Variants in AGAP1 observed in about 807,000 individuals in gnomAD.
AGAP1 encodes the protein ArfGAP with GTPase domain, ankyrin repeat and PH domain 1.
AGAP1 carries 29 observed loss-of-function variants against 105.3 expected under a neutral mutation model. The ratio of observed to expected loss-of-function variants is 0.28; its 90% confidence interval spans 0.21 to 0.38. The LOEUF (loss-of-function observed/expected upper bound fraction) is 0.38, where lower values mean the gene tolerates loss of function less well. AGAP1 is among the 10% of genes least tolerant of loss of function. The pLI, the probability that AGAP1 is intolerant of heterozygous loss-of-function variation, is 1.00. For synonymous variants in AGAP1, 509 were observed against 485.9 expected (o/e 1.05, Z -0.63); for missense variants, 998 against 1,165.1 (o/e 0.86, Z 2.09).
At chr2:235,514,724 G>T (rs765577283) in intron 1 of AGAP1, among the ~76,000 whole-genome samples, 2 of 152,234 alleles carry the variant, frequency 1.3e-5, no homozygotes, top group Non-Finnish European at 2.9e-5. Flanking sequence ...TGGGCTGCAC[G>T]TCTCTCCCCA....
intron 1 of AGAP1, among the ~76,000 whole-genome samples, chr2:235,681,010 C>G (rs370963814): frequency 1.3e-5 from 2 of 152,044 alleles, no homozygotes; most frequent in East Asian, 1.9e-4. Flanking sequence ...TCTAGCCCCC[C>G]CTCCCCCTTT....
rs982269328 is a variant in AGAP1 at position 235,550,711 on chromosome 2, T to C, written c.163+55862T>C. 9.8e-5 allele frequency among the ~76,000 whole-genome samples: 15 copies of C among 152,330 alleles called. No individual in the cohort carries two copies. Among genetic ancestry groups the C allele is most frequent in the African/African-American group, 3.4e-4 (14 of 41,580 alleles). The stretch of plus-strand genomic sequence containing the variant: ...GGCATGATGCGGAATGTAGTGACGA[T>C]CGCAAATCCTTCCTGTGGCCAAAGA... On this transcript the variant is annotated intron_variant, in intron 1 of 17. Transcript: ENST00000304032. The surrounding 1 kb of genome is among the most constrained non-coding windows in gnomAD (Gnocchi z 4.6).
At chr2:235,923,395 A>G (rs1405202846) in intron 11 of AGAP1, among the ~76,000 whole-genome samples, 2 of 152,182 alleles carry the variant, frequency 1.3e-5, no homozygotes, top group Non-Finnish European at 2.9e-5. Context: ...TTACTGGTAC[A>G]ACATACACAT....
At chr2:235,554,573 C>T (rs550446537) in intron 1 of AGAP1, among the ~76,000 whole-genome samples, 76 of 152,344 alleles carry the variant, frequency 5.0e-4, no homozygotes, top group Admixed American at 1.0e-3. Context: ...TCCATTTACA[C>T]GCCTGTGGTT....
intron 14 of AGAP1, among the ~76,000 whole-genome samples, chr2:236,037,796 T>C (rs2057427884): frequency 6.6e-6 from 1 of 152,208 alleles, no homozygotes; most frequent in Non-Finnish European, 1.5e-5. Flanking sequence ...TTCATTATTT[T>C]AATGTTTGTT....
Position 236,049,198 on chromosome 2 carries a change from G to A in AGAP1, c.2031G>A (p.Met677Ile), listed in dbSNP as rs1271302508. The change falls in exon 16 of 18, where the codon ATG becomes ATA. Residue 677 changes from methionine to isoleucine, a missense_variant. Physicochemically the swap from Met to Ile is conservative, Grantham distance 10. Coordinates refer to ENST00000304032, the MANE Select transcript of AGAP1 (RefSeq NM_001037131.3). ...GGCCAGTCGAGCTCATCAAGGTGAT[G>A]TCATCCATCGGGAACGAGCTAGCCA... Reference protein sequence around the residue: ...DDWPVELIKVMSSIGNELANS... With the variant: ...DDWPVELIKVISSIGNELANS... 4 of 1,614,208 alleles carry A rather than the reference G, an allele frequency of 2.5e-6. No individual in the cohort carries two copies. Among genetic ancestry groups the A allele is most frequent in the South Asian group, 2.2e-5 (2 of 91,082 alleles).
chr2:235,774,223 A>T, intron 6 of AGAP1: 11 of 403,804 alleles, frequency 2.7e-5, no homozygotes, highest in South Asian at 1.7e-4. Flanking sequence ...CTATAAACTA[A>T]AAATGCACAT....
At chr2:235,926,496 A>G (rs1475248020) in intron 11 of AGAP1, among the ~76,000 whole-genome samples, 3 of 152,208 alleles carry the variant, frequency 2.0e-5, no homozygotes, top group Non-Finnish European at 4.4e-5. Context: ...ATTTACGTTG[A>G]AAGGCAGGTA....
chr2:235,670,748 C>A, intron 1 of AGAP1: 1 of 974,960 alleles, frequency 1.0e-6, no homozygotes, highest in Non-Finnish European at 1.5e-6. Flanking sequence ...GGGCGAGGTG[C>A]TCAGCAAGAA....
In AGAP1 at chr2:235,686,476, A is replaced by G. The variant is rs991079981; in HGVS notation, c.164-22703A>G. Among the ~76,000 whole-genome samples the G allele has an allele frequency of 7.3e-5, 11 of 150,800 alleles. 1 individual carries two copies. The highest frequency in any genetic ancestry group is 1.6e-4 in the Non-Finnish European group (11 of 67,836). On this transcript the variant is annotated intron_variant, in intron 1 of 17. Transcript: ENST00000304032. ...AAATCATGCACTTGTAGCCAAACCTAGGTATGAGTGTGAGCGTACACTGCT... is the reference window on the plus strand; with the variant it reads ...AAATCATGCACTTGTAGCCAAACCTGGGTATGAGTGTGAGCGTACACTGCT...
intron 1 of AGAP1, among the ~76,000 whole-genome samples, chr2:235,686,542 AGG>A (rs1949388444): frequency 1.0e-5 from 1 of 100,248 alleles, no homozygotes; most frequent in South Asian, 3.3e-4. Flanking sequence ...GTTCCCAGGA[AGG>A]AGATATATAT....
chr2:236,072,827 G>A (rs769838300), intron 16 of AGAP1, among the ~76,000 whole-genome samples: 1 of 152,064 alleles, frequency 6.6e-6, no homozygotes, highest in Admixed American at 6.6e-5. Context: ...CTGCTGTCCA[G>A]CTGAACTATA....
chr2:235,984,638 T>C (rs1411235556), intron 13 of AGAP1, among the ~76,000 whole-genome samples: 1 of 152,080 alleles, frequency 6.6e-6, no homozygotes, highest in Non-Finnish European at 1.5e-5. Context: ...GTGTGTATTG[T>C]TCCCCGCTCT....
chr2:235,698,586 C>T (rs1174032757), intron 1 of AGAP1, among the ~76,000 whole-genome samples: 3 of 152,302 alleles, frequency 2.0e-5, no homozygotes, highest in African/African-American at 4.8e-5. Flanking sequence ...TTAAAGCATT[C>T]TCGAGATCTG....
Position 236,119,625 on chromosome 2 carries a change from C to A in AGAP1, c.2115-567C>A, listed in dbSNP as rs1472993292. ...CCAAGTGTCCTATAGCCCTCACTTA[C>A]AGTCCTGCTTACAGTAAAGCAACTC... On this transcript the variant is annotated intron_variant, in intron 16 of 17. Transcript: ENST00000304032. The surrounding 1 kb of genome is among the most constrained non-coding windows in gnomAD (Gnocchi z 6.6). Among the ~76,000 whole-genome samples the A allele has an allele frequency of 1.3e-5, 2 of 150,652 alleles. No homozygotes were observed. The highest frequency in any genetic ancestry group is 4.9e-5 in the African/African-American group (2 of 40,922).
chr2:236,071,478 C>T (rs1411984542), intron 16 of AGAP1, among the ~76,000 whole-genome samples: 1 of 152,160 alleles, frequency 6.6e-6, no homozygotes, highest in Non-Finnish European at 1.5e-5. Context: ...CAATCTGGAA[C>T]ATTTATTTGT....
intron 1 of AGAP1, among the ~76,000 whole-genome samples, chr2:235,656,601 A>G (rs1004148009): frequency 1.7e-4 from 26 of 152,012 alleles, no homozygotes; most frequent in East Asian, 1.9e-4. Context: ...AAATTAGCCA[A>G]TTGGAATTAG....
intron 1 of AGAP1, among the ~76,000 whole-genome samples, chr2:235,704,091 C>T (rs961913937): frequency 1.3e-5 from 2 of 152,230 alleles, no homozygotes; most frequent in East Asian, 1.9e-4. Flanking sequence ...CCCTCTGCGT[C>T]CTCTTGATCT....
At position 235,741,287 on chromosome 2, in the gene AGAP1, G is replaced by GT. The variant is rs1322450137; in HGVS notation, c.396+244dup. Among the ~76,000 whole-genome samples the GT allele has an allele frequency of 1.3e-5, 2 of 152,092 alleles. No homozygotes were observed. The highest frequency in any genetic ancestry group is 1.3e-4 in the Admixed American group (2 of 15,274). On this transcript the variant is annotated intron_variant, in intron 4 of 17. Coordinates refer to ENST00000304032, the MANE Select transcript of AGAP1 (RefSeq NM_001037131.3). This position sits in a 1 kb window ranked among gnomAD's most constrained non-coding sequence, Gnocchi z 4.9. ...TATGTGATGGCTTTTCACTTTCTGT[G>GT]TTTTTAAAAAGGCAGGAAACGCACA...
Sources: allele counts gnomAD v4.1 joint callset (sites outside exome capture counted in the v4.1 genomes callset), GRCh38; gene constraint gnomAD v4.1.1; non-coding constraint Gnocchi (gnomAD v3.1); transcripts MANE v1.5; gene names NCBI Gene and HGNC (gene_info 2026-07-23, HGNC 2026-07-21).